The following GPC5 variants were observed in gnomAD, a reference collection of about 807,000 sequenced individuals.
GPC5 encodes glypican-5.
A neutral mutation model predicts 53.9 loss-of-function variants in GPC5; 47 were observed. The observed-to-expected ratio is 0.87, with a 90% CI of 0.69 to 1.11. The LOEUF (loss-of-function observed/expected upper bound fraction) is 1.11, where lower values mean the gene tolerates loss of function less well. Among genes scored for constraint, GPC5 ranks in the 50% most tolerant of loss-of-function variants. The pLI is 0.00. For synonymous variants in GPC5, 286 were observed against 263.3 expected (o/e 1.09, Z -0.84); for missense variants, 748 against 713.1 (o/e 1.05, Z -0.56).
intron 7 of GPC5, among the ~76,000 whole-genome samples, chr13:92,571,895 T>C (rs1415545050): frequency 1.3e-5 from 2 of 151,958 alleles, no homozygotes; most frequent in African/African-American, 4.8e-5. Context: ...AAAAATTAAA[T>C]GAGTTTGGTG....
At chr13:91,478,922 T>C (rs1278055079) in intron 2 of GPC5, among the ~76,000 whole-genome samples, 2 of 137,066 alleles carry the variant, frequency 1.5e-5, no homozygotes, top group Non-Finnish European at 3.1e-5. Flanking sequence ...TATATTCTTT[T>C]TTTTTTCTTT....
chr13:91,902,865 A>G (rs958174891), intron 5 of GPC5, among the ~76,000 whole-genome samples: 7 of 152,138 alleles, frequency 4.6e-5, no homozygotes, highest in African/African-American at 1.4e-4. Context: ...AGTCTATGTT[A>G]AACATACCTG....
intron 7 of GPC5, among the ~76,000 whole-genome samples, chr13:92,856,632 A>C (rs1879009483): frequency 6.6e-6 from 1 of 152,162 alleles, no homozygotes; most frequent in Non-Finnish European, 1.5e-5. Context: ...AACTTCAGTA[A>C]AGTTTCAGGA....
intron 6 of GPC5, among the ~76,000 whole-genome samples, chr13:91,983,189 C>CA (rs771421929): frequency 1.8e-4 from 27 of 151,900 alleles, no homozygotes; most frequent in Non-Finnish European, 3.5e-4. Flanking sequence ...ACTAAAAATA[C>CA]AAAAAAATTA....
intron 7 of GPC5, among the ~76,000 whole-genome samples, chr13:92,454,970 A>G (rs947587792): frequency 9.2e-5 from 14 of 152,246 alleles, no homozygotes; most frequent in Non-Finnish European, 1.8e-4. Flanking sequence ...AAATGCTAAT[A>G]TCCTGAGGGA....
At chr13:91,662,388 A>G (rs1011827682) in intron 2 of GPC5, among the ~76,000 whole-genome samples, 1 of 152,214 alleles carries the variant, frequency 6.6e-6, no homozygotes, top group Admixed American at 6.5e-5. Context: ...TGAAGTTTGC[A>G]GGATTAATTT....
intron 3 of GPC5, among the ~76,000 whole-genome samples, chr13:91,728,243 A>G (rs1157460171): frequency 6.6e-6 from 1 of 152,192 alleles, no homozygotes; most frequent in Non-Finnish European, 1.5e-5. Context: ...GTAATGTTAC[A>G]CAAATAAGTC....
chr13:91,507,159 CAAG>C (rs1304725505), intron 2 of GPC5, among the ~76,000 whole-genome samples: 1 of 152,084 alleles, frequency 6.6e-6, no homozygotes, highest in Non-Finnish European at 1.5e-5. Flanking sequence ...CTGGGAATTT[CAAG>C]ATCAAGGGGC....
intron 6 of GPC5, among the ~76,000 whole-genome samples, chr13:92,141,037 G>A (rs369046936): frequency 1.4e-4 from 21 of 152,152 alleles, no homozygotes; most frequent in African/African-American, 5.1e-4. Flanking sequence ...GCAAGAGAGA[G>A]GAAGTGAGGA....
chr13:92,278,493 T>C (rs374802808), intron 7 of GPC5, among the ~76,000 whole-genome samples: 1 of 152,030 alleles, frequency 6.6e-6, no homozygotes, highest in African/African-American at 2.4e-5. Flanking sequence ...ATTTAAAAAG[T>C]CTAAAAGACA....
At chr13:92,473,084 G>A (rs1594231529) in intron 7 of GPC5, among the ~76,000 whole-genome samples, 1 of 152,152 alleles carries the variant, frequency 6.6e-6, no homozygotes, top group Non-Finnish European at 1.5e-5. Flanking sequence ...AAGGGGAATA[G>A]AGCAGCATTT....
At chr13:91,705,877 T>C (rs2036090889) in intron 3 of GPC5, among the ~76,000 whole-genome samples, 1 of 142,096 alleles carries the variant, frequency 7.0e-6, no homozygotes, top group Admixed American at 6.8e-5. Flanking sequence ...TTTTTTTCTT[T>C]CTTTTCTTTT....
At chr13:92,179,261 A>T (rs2042129735) in intron 7 of GPC5, among the ~76,000 whole-genome samples, 1 of 152,190 alleles carries the variant, frequency 6.6e-6, no homozygotes, top group South Asian at 2.1e-4. Context: ...AAAAGGAAAA[A>T]AATAAAGGAT....
At chr13:92,356,294 G>C (rs1199717367) in intron 7 of GPC5, among the ~76,000 whole-genome samples, 3 of 152,194 alleles carry the variant, frequency 2.0e-5, no homozygotes, top group Non-Finnish European at 1.5e-5. Context: ...AATAAGAGTA[G>C]GAGGAGGGAA....
chr13:91,605,999 G>A, intron 2 of GPC5, among the ~76,000 whole-genome samples: 1 of 68,176 alleles, frequency 1.5e-5, no homozygotes, highest in South Asian at 7.5e-4. Flanking sequence ...ATGTTGAATA[G>A]GAGTGGTGAG....
intron 7 of GPC5, among the ~76,000 whole-genome samples, chr13:92,638,971 C>A (rs9516107): frequency 0.34 from 52,056 of 151,864 alleles, 10,075 homozygotes; most frequent in Non-Finnish European, 0.45. Context: ...ATTTGCCAAT[C>A]TGTTTACACC....
intron 7 of GPC5, among the ~76,000 whole-genome samples, chr13:92,149,510 T>C (rs1476799033): frequency 6.6e-6 from 1 of 152,104 alleles, no homozygotes; most frequent in Non-Finnish European, 1.5e-5. Context: ...TGTTGTGTTT[T>C]GGTTTTCTCA....
rs190822177 is a variant in GPC5 at position 92,364,533 on chromosome 13, A to G, written c.1561+219544A>G. 2.2e-3 allele frequency among the ~76,000 whole-genome samples: 335 copies of G among 151,770 alleles called. 12 individuals are homozygous for G. Among genetic ancestry groups the G allele is most frequent in the African/African-American group, 8.0e-3 (327 of 41,078 alleles). On this transcript the variant is annotated intron_variant, in intron 7 of 7. Coordinates refer to ENST00000377067, the MANE Select transcript of GPC5 (RefSeq NM_004466.6). ...ATCACGAGGTCAGGAGATAGAGACC[A>G]TCCTGGCTAACATGGTGAAACCCCG...
chr13:92,742,974 C>G (rs9523800), intron 7 of GPC5, among the ~76,000 whole-genome samples: 53,337 of 151,434 alleles, frequency 0.35, 10,382 homozygotes, highest in East Asian at 0.86. Flanking sequence ...ATGCTGTTTT[C>G]ATTACTGTAG....
Sources: gnomAD v4.1 joint callset for allele counts (sites outside exome capture counted in the v4.1 genomes callset) on GRCh38, gnomAD v4.1.1 for gene constraint, MANE v1.5 for transcripts, NCBI Gene and HGNC (gene_info 2026-07-23, HGNC 2026-07-21) for gene names.